The following HDGF variants were observed in gnomAD, a reference collection of about 807,000 sequenced individuals.
The protein encoded by HDGF is heparin binding growth factor, also known as hepatoma-derived growth factor.
Under a neutral mutation model 30.0 loss-of-function variants are expected in HDGF, and 5 were observed. The observed-to-expected ratio is 0.17, with a 90% confidence interval of 0.09 to 0.35. HDGF has a LOEUF of 0.35. Among genes scored for constraint, HDGF ranks in the 10% least tolerant of loss-of-function variants. HDGF has a pLI of 1.00. For synonymous variants in HDGF, 133 were observed against 112.7 expected, an observed-to-expected ratio of 1.18 and a Z score of -1.14; for missense variants, 214 against 302.8, an observed-to-expected ratio of 0.71 and a Z score of 2.18.
At chr1:156,754,116 A>G (rs555299469), upstream of HDGF, among the ~76,000 whole-genome samples, 28 of 152,158 alleles carry the variant, frequency 1.8e-4, no homozygotes, top group South Asian at 4.4e-3. Context: ...GGGTTTCACC[A>G]TGTTAGTCAG....
At position 156,744,238 on chromosome 1, in the gene HDGF, C is replaced by T. The variant is rs765965579; in HGVS notation, c.414G>A (p.Lys138=). The T allele has an allele frequency of 1.2e-6, 2 of 1,614,186 alleles. No homozygotes were observed. Among genetic ancestry groups the T allele is most frequent in the Non-Finnish European group, 1.7e-6 (2 of 1,180,028 alleles). ...NAEGSSDEEG[K]LVIDEPAKEK... ...CCTTGGCTGGCTCATCAATGACCAG[C>T]TTCCCTTCCTCGTCGCTGCTGCCCT... The change falls in exon 4 of 6, where the codon AAG becomes AAA. Residue 138 remains lysine, a synonymous_variant. Coordinates refer to ENST00000357325, the MANE Select transcript of HDGF (RefSeq NM_004494.3).
In HDGF at chr1:156,743,817, G is replaced by T. The variant is rs767851811; in HGVS notation, c.551C>A (p.Thr184Asn). The T allele has an allele frequency of 1.9e-6, 3 of 1,611,810 alleles. No individual in the cohort carries two copies. The East Asian group carries it at 6.7e-5, about 36-fold the overall frequency. ...AGGAAGGGGCCTCTCAACCTCCAAGGTGGCTGCCTCCTTCTCCTCTCCTTC... is the reference window on the plus strand; with the variant it reads ...AGGAAGGGGCCTCTCAACCTCCAAGTTGGCTGCCTCCTTCTCCTCTCCTTC... ...NPEGEEKEAA[T>N]LEVERPLPME... Residue 184 changes from threonine to asparagine, a missense_variant, in exon 5 of 6, where the codon ACC becomes AAC. This residue lies in a region of HDGF where 176 missense variants were observed against 211.7 expected (regional missense o/e 0.83). Coordinates refer to ENST00000357325, the MANE Select transcript of HDGF (RefSeq NM_004494.3).
Position 156,751,060 on chromosome 1 carries a change from G to T in HDGF, c.87+283C>A, listed in dbSNP as rs1342990744. 6.6e-6 allele frequency among the ~76,000 whole-genome samples: 1 copy of T among 152,070 alleles called. No homozygotes were observed. The highest frequency in any genetic ancestry group is 1.5e-5 in the Non-Finnish European group (1 of 68,010). On this transcript the variant is annotated intron_variant, in intron 1 of 5. Transcript: ENST00000357325. This position sits in a 1 kb window ranked among gnomAD's most constrained non-coding sequence, Gnocchi z 4.7. ...GGGGGCTGGGGGCGGAACTGAGCAC[G>T]CGGAGCTGGGGGCCGGGAAGTGACC...
Position 156,751,661 on chromosome 1 carries a change from A to G in HDGF, c.-232T>C. The G allele has an allele frequency of 9.6e-7, 1 of 1,040,444 alleles. No homozygotes were observed. Among genetic ancestry groups the G allele is most frequent in the Middle Eastern group, 4.6e-4 (1 of 2,176 alleles). The allele number at this position is 1,040,444 out of a possible 1,614,324, so 64.5% of individuals were successfully genotyped here. ...CGGCGCGGTGGGTGCGCGCTCGTGC[A>G]GTTGTTTGTGTTTGAAATTCAATTG... On this transcript the variant is annotated 5_prime_UTR_variant, in exon 1 of 6. Coordinates refer to ENST00000357325, the MANE Select transcript of HDGF (RefSeq NM_004494.3). This position sits in a 1 kb window ranked among gnomAD's most constrained non-coding sequence, Gnocchi z 4.7.
upstream of HDGF, chr1:156,752,034 T>A (rs1651019872): frequency 1.9e-6 from 3 of 1,550,594 alleles, no homozygotes; most frequent in Admixed American, 2.0e-5. Context: ...CGCGGAGCGC[T>A]CACCACCGCG....
At position 156,765,843 on chromosome 1, in the gene HDGF, G is replaced by A. The variant is rs113997908; in HGVS notation, n.136+947C>T. On this transcript the variant is annotated intron_variant and non_coding_transcript_variant, in intron 1 of 7. Transcript: ENST00000465180. The stretch of plus-strand genomic sequence containing the variant: ...GAAGTGACCGCACAGTCACCAGAGA[G>A]TACGTTGGGGAACCTAGATTTGAAA... 8.2e-3 allele frequency among the ~76,000 whole-genome samples: 1,252 copies of A among 152,278 alleles called. 23 individuals carry two copies. The highest frequency in any genetic ancestry group is 0.028 in the African/African-American group (1,181 of 41,558).
chr1:156,743,518 G>C, intron 5 of HDGF, 63 bp from the exon 6 acceptor site: 26 of 1,584,244 alleles, frequency 1.6e-5, no homozygotes, highest in Non-Finnish European at 2.2e-5. Flanking sequence ...CCTTGCCCCA[G>C]CCAGTGCCGG....
intron 1 of HDGF, chr1:156,750,544 T>TCTTCA (rs1308878999): frequency 6.6e-6 from 1 of 152,354 alleles, no homozygotes; most frequent in Non-Finnish European, 1.5e-5. Context: ...TGGCGGAAGA[T>TCTTCA]CTTCACATCT....
rs750720441 is a variant in HDGF at position 156,744,290 on chromosome 1, C to T, written c.362G>A (p.Gly121Asp). The T allele has an allele frequency of 1.2e-6, 2 of 1,614,182 alleles. No individual in the cohort carries two copies. Among genetic ancestry groups the T allele is most frequent in the South Asian group, 2.2e-5 (2 of 91,088 alleles). The change falls in exon 4 of 6, where the codon GGT (glycine) becomes GAT (aspartate). Residue 121 changes from glycine to aspartate, a missense_variant. This residue lies in a region of HDGF where 176 missense variants were observed against 211.7 expected (regional missense o/e 0.83). Transcript: ENST00000357325. ...EPEPEPEAAEGDGDKKGNAEG... is the reference protein window; with the variant it reads ...EPEPEPEAAEDDGDKKGNAEG... Reference sequence around the variant, plus strand: ...TGCATTCCCCTTCTTATCACCGTCACCCTCTGCAGCTTCGGGCTCTGGTTC... The same window carrying T: ...TGCATTCCCCTTCTTATCACCGTCATCCTCTGCAGCTTCGGGCTCTGGTTC...
chr1:156,752,510 G>C, upstream of HDGF: 1 of 698,712 alleles, frequency 1.4e-6, no homozygotes, highest in Non-Finnish European at 2.4e-6. Context: ...AGACCGAGGG[G>C]CCAGGTGCTA....
intron 1 of HDGF, among the ~76,000 whole-genome samples, chr1:156,745,650 C>T (rs1482849565): frequency 6.6e-6 from 1 of 152,236 alleles, no homozygotes; most frequent in African/African-American, 2.4e-5. Flanking sequence ...AGCCCCCTGA[C>T]TTTGCCATCA....
chr1:156,751,861 C>G, upstream of HDGF: 1 of 983,660 alleles, frequency 1.0e-6, no homozygotes, highest in Middle Eastern at 3.5e-4. This position sits in a 1 kb window ranked among gnomAD's most constrained non-coding sequence, Gnocchi z 4.7. Context: ...CGGCCCAACG[C>G]CCAACCCGGA....
intron 1 of HDGF, among the ~76,000 whole-genome samples, chr1:156,761,983 A>G (rs935863491): frequency 1.3e-5 from 2 of 151,114 alleles, no homozygotes; most frequent in African/African-American, 4.9e-5. Flanking sequence ...CACAAAAAAT[A>G]CAAAAATTAG....
intron 1 of HDGF, 96 bp from the exon 2 acceptor site, chr1:156,745,469 G>T: frequency 1.0e-6 from 1 of 976,164 alleles, no homozygotes; most frequent in Non-Finnish European, 1.6e-6. Context: ...TATAAAATCA[G>T]ACTGAGAGGG....
At chr1:156,763,436 G>A (rs1571563184) in intron 1 of HDGF, among the ~76,000 whole-genome samples, 1 of 151,484 alleles carries the variant, frequency 6.6e-6, no homozygotes, top group Non-Finnish European at 1.5e-5. Flanking sequence ...GGCTGGCCTC[G>A]ATCTCTTGAC....
chr1:156,755,275 C>T (rs1040242607), upstream of HDGF, among the ~76,000 whole-genome samples: 7 of 152,070 alleles, frequency 4.6e-5, no homozygotes, highest in African/African-American at 7.3e-5. Flanking sequence ...TGAAGCGAGT[C>T]TCTGGAGGAG....
intron 1 of HDGF, among the ~76,000 whole-genome samples, chr1:156,763,614 C>T (rs1356636882): frequency 5.5e-5 from 8 of 146,590 alleles, no homozygotes; most frequent in Non-Finnish European, 1.2e-4. Flanking sequence ...GAGACGGAGT[C>T]TTGCTCTGTT....
chr1:156,759,566 C>T lies in HDGF; in HGVS notation n.137-347G>A, dbSNP rs543665595. ...GCGCGTTTTCCGCTCACTGCAACCT[C>T]CGCCTCCCAGGTTCAAGTGATTCTC... On this transcript the variant is annotated intron_variant and non_coding_transcript_variant, in intron 1 of 7. Coordinates refer to the HDGF transcript ENST00000465180. Among the ~76,000 whole-genome samples the T allele has an allele frequency of 5.9e-5, 9 of 151,356 alleles. No homozygotes were observed. The South Asian group carries it at 1.7e-3, about 28-fold the overall frequency.
upstream of HDGF, chr1:156,752,284 C>T (rs1428560854): frequency 1.3e-6 from 2 of 1,551,784 alleles, no homozygotes; most frequent in Non-Finnish European, 1.7e-6. Context: ...TCCGCCTTTG[C>T]TAAGGAGGAA....
Sources: allele counts gnomAD v4.1 joint callset (sites outside exome capture counted in the v4.1 genomes callset), GRCh38; gene constraint gnomAD v4.1.1; regional missense constraint gnomAD v4.1.1; non-coding constraint Gnocchi (gnomAD v3.1); transcripts MANE v1.5; gene names NCBI Gene and HGNC (gene_info 2026-07-23, HGNC 2026-07-21).